The following PTGER4 variants were observed in gnomAD, a reference collection of about 807,000 sequenced individuals.
PTGER4 encodes the protein prostaglandin E receptor 4, also known as prostaglandin E2 receptor EP4 subtype.
A neutral mutation model predicts 33.2 loss-of-function variants in PTGER4; 11 were observed. The observed-to-expected ratio is 0.33, with a 90% CI of 0.21 to 0.55. PTGER4 has a LOEUF of 0.55. PTGER4 is among the 20% of genes least tolerant of loss of function. PTGER4 has a pLI of 0.92. For missense variants in PTGER4, 481 were observed against 650.2 expected, an observed-to-expected ratio of 0.74 and a Z score of 2.83; for synonymous variants, 275 against 281.5, an observed-to-expected ratio of 0.98 and a Z score of 0.23.
the PTGER4 span, among the ~76,000 whole-genome samples, chr5:40,731,184 A>G: frequency 2.0e-5 from 3 of 152,212 alleles, no homozygotes; most frequent in African/African-American, 7.2e-5. Flanking sequence ...GGTAGCAGTA[A>G]TAAATTCTGC....
Position 40,692,304 on chromosome 5 carries a change from C to A in PTGER4, c.1393C>A (p.Pro465Thr). The A allele has an allele frequency of 1.2e-6, 2 of 1,613,738 alleles. No homozygotes were observed. The highest frequency in any genetic ancestry group is 1.7e-6 in the Non-Finnish European group (2 of 1,179,884). ...GGCTGGTGGGAGCGGCAGGGCTGGG[C>A]CTGCCCCTAAGGGGAGCTCCCTGCA... Reference protein sequence around the residue: ...DEAGGSGRAGPAPKGSSLQVT... With the variant: ...DEAGGSGRAGTAPKGSSLQVT... The change falls in exon 3 of 3, where the codon CCT becomes ACT. Residue 465 changes from proline (P) to threonine (T), a missense_variant. Physicochemically the swap from Pro to Thr is conservative, Grantham distance 38. Transcript: ENST00000302472.
At chr5:40,687,063 T>C (rs1741341969) in intron 2 of PTGER4, among the ~76,000 whole-genome samples, 1 of 152,200 alleles carries the variant, frequency 6.6e-6, no homozygotes, top group South Asian at 2.1e-4. Context: ...GTTTTTGTTT[T>C]GAGACGGAGT....
chr5:40,688,502 C>G (rs1001898425), intron 2 of PTGER4, among the ~76,000 whole-genome samples: 7 of 152,176 alleles, frequency 4.6e-5, no homozygotes, highest in African/African-American at 1.4e-4. Flanking sequence ...CCAACAATTC[C>G]ATTGTCAGGA....
the PTGER4 span, among the ~76,000 whole-genome samples, chr5:40,738,499 C>CAATACAATAA: frequency 2.5e-5 from 2 of 80,856 alleles, no homozygotes; most frequent in African/African-American, 4.9e-5. Context: ...CAATACAATA[C>CAATACAATAA]AATACAATAA....
At chr5:40,716,170 C>T in the PTGER4 span, 2 of 1,607,804 alleles carry the variant, frequency 1.2e-6, no homozygotes, top group Non-Finnish European at 8.5e-7. Context: ...AAAAACAGAG[C>T]CATCTGGTGG....
In PTGER4 at chr5:40,680,263, C is replaced by G. The variant is rs1449572311; in HGVS notation, c.-259C>G. On this transcript the variant is annotated 5_prime_UTR_variant, in exon 1 of 3. In the 5' UTR this introduces an upstream ATG that the reference lacks. Coordinates refer to ENST00000302472, the MANE Select transcript of PTGER4 (RefSeq NM_000958.3). This position sits in a 1 kb window ranked among gnomAD's most constrained non-coding sequence, Gnocchi z 5.5. Reference sequence around the variant, plus strand: ...CCAGCACCATTCTTCACTGACCCATCCCGCTGCACCTCTTGTTTCCCAAGT... The same window carrying G: ...CCAGCACCATTCTTCACTGACCCATGCCGCTGCACCTCTTGTTTCCCAAGT... The G allele has an allele frequency of 1.3e-5, 2 of 152,572 alleles. No homozygotes were observed. The highest frequency in any genetic ancestry group is 2.1e-4 in the South Asian group (1 of 4,840). 9.5% of individuals were successfully genotyped at this position (152,572 alleles called of 1,614,324 possible). A position where few individuals can be genotyped will look rare whatever the true frequency, so the allele number is the denominator to read the frequency against.
In PTGER4 at chr5:40,681,782, C is replaced by T; in HGVS notation, c.789C>T (p.Ile263=). 6.3e-7 allele frequency: 1 copy of T among 1,595,448 alleles called. No homozygotes were observed. Among genetic ancestry groups the T allele is most frequent in the African/African-American group, 1.4e-5 (1 of 72,428 alleles). The change falls in exon 2 of 3, where the codon ATC becomes ATT. Residue 263 remains isoleucine (I), a synonymous_variant. Coordinates refer to ENST00000302472, the MANE Select transcript of PTGER4 (RefSeq NM_000958.3). The surrounding 1 kb of genome is among the most constrained non-coding windows in gnomAD (Gnocchi z 9.8). ...DFRRRRSFRR[I]AGAEIQMVIL... ...GGCGCCGCCGGAGCTTCCGCCGCAT[C>T]GCGGGCGCCGAGATCCAGATGGTCA...
the PTGER4 span, among the ~76,000 whole-genome samples, chr5:40,745,281 T>C: frequency 2.0e-5 from 3 of 150,558 alleles, no homozygotes; most frequent in African/African-American, 7.4e-5. Flanking sequence ...TGTTAATTTT[T>C]GTAGGTTTGA....
chr5:40,696,112 G>C (rs1354038632), downstream of PTGER4, among the ~76,000 whole-genome samples: 2 of 152,112 alleles, frequency 1.3e-5, no homozygotes, highest in African/African-American at 4.8e-5. Context: ...TTTGACCAAG[G>C]GACCACAGAA....
At chr5:40,732,005 T>C in the PTGER4 span, among the ~76,000 whole-genome samples, 1 of 152,210 alleles carries the variant, frequency 6.6e-6, no homozygotes, top group Non-Finnish European at 1.5e-5. Flanking sequence ...TAAGTGAATA[T>C]AAATTTGGTG....
the PTGER4 span, among the ~76,000 whole-genome samples, chr5:40,710,637 T>C: frequency 6.9e-4 from 105 of 152,346 alleles, no homozygotes; most frequent in African/African-American, 2.3e-3. Context: ...TATATGTTTA[T>C]TGTGGCACTA....
At chr5:40,727,329 A>G in the PTGER4 span, among the ~76,000 whole-genome samples, 1 of 152,224 alleles carries the variant, frequency 6.6e-6, no homozygotes, top group Admixed American at 6.5e-5. Flanking sequence ...TTGGCACTGT[A>G]TATTAGATTT....
chr5:40,693,514 C>T lies in PTGER4; in HGVS notation c.*1136C>T, dbSNP rs1741522006. The T allele has an allele frequency of 6.1e-6, 6 of 985,860 alleles. No individual in the cohort carries two copies. Among genetic ancestry groups the T allele is most frequent in the Non-Finnish European group, 7.2e-6 (6 of 829,834 alleles). 61.1% of individuals were successfully genotyped at this position (985,860 alleles called of 1,614,324 possible). On this transcript the variant is annotated 3_prime_UTR_variant, in exon 3 of 3. Coordinates refer to ENST00000302472, the MANE Select transcript of PTGER4 (RefSeq NM_000958.3). ...GTATGTCAGAAGTGCAGAATTGGGG[C>T]ACTTAATGGTCACCTTGTAACAGTT...
At chr5:40,720,175 C>T in the PTGER4 span, among the ~76,000 whole-genome samples, 1 of 152,052 alleles carries the variant, frequency 6.6e-6, no homozygotes, top group Non-Finnish European at 1.5e-5. Context: ...TTTTATAATA[C>T]TTTTAGTTCT....
At chr5:40,734,270 G>T in the PTGER4 span, among the ~76,000 whole-genome samples, 1 of 152,166 alleles carries the variant, frequency 6.6e-6, no homozygotes, top group African/African-American at 2.4e-5. Flanking sequence ...CAAATCAATA[G>T]TCTCTCATAA....
chr5:40,716,850 G>A, the PTGER4 span, among the ~76,000 whole-genome samples: 1 of 152,188 alleles, frequency 6.6e-6, no homozygotes, highest in Non-Finnish European at 1.5e-5. Context: ...AAGGTACCAG[G>A]AGTGGATATC....
At chr5:40,689,886 TG>T (rs1167733204) in intron 2 of PTGER4, among the ~76,000 whole-genome samples, 1 of 152,194 alleles carries the variant, frequency 6.6e-6, no homozygotes, top group Non-Finnish European at 1.5e-5. Flanking sequence ...TTAAGATATA[TG>T]GCAATTATTT....
At chr5:40,739,320 C>T in the PTGER4 span, among the ~76,000 whole-genome samples, 1 of 152,210 alleles carries the variant, frequency 6.6e-6, no homozygotes, top group Admixed American at 6.5e-5. Context: ...TGGAATTGCA[C>T]TGAGTTTACA....
chr5:40,680,687 T>C lies in PTGER4; in HGVS notation c.-44+209T>C, dbSNP rs1354692498. Among the ~76,000 whole-genome samples the C allele has an allele frequency of 6.6e-6, 1 of 152,182 alleles. No individual in the cohort carries two copies. Among genetic ancestry groups the C allele is most frequent in the African/African-American group, 2.4e-5 (1 of 41,436 alleles). On this transcript the variant is annotated intron_variant, in intron 1 of 2. Coordinates refer to ENST00000302472, the MANE Select transcript of PTGER4 (RefSeq NM_000958.3). This position sits in a 1 kb window ranked among gnomAD's most constrained non-coding sequence, Gnocchi z 5.5. ...AGATGGGTCTTATTCATCTTGGCAA[T>C]GGAGTGAGTTGGATTGTGGGGAGGA...
Sources: allele counts gnomAD v4.1 joint callset (sites outside exome capture counted in the v4.1 genomes callset), GRCh38; gene constraint gnomAD v4.1.1; non-coding constraint Gnocchi (gnomAD v3.1); transcripts MANE v1.5; gene names NCBI Gene and HGNC (gene_info 2026-07-23, HGNC 2026-07-21).